Variants in EARS2 observed in about 807,000 individuals in gnomAD.
EARS2 encodes the protein nondiscriminating glutamyl-tRNA synthetase EARS2, mitochondrial.
A neutral mutation model predicts 54.1 loss-of-function variants in EARS2; 50 were observed. The observed-to-expected ratio is 0.92, with a 90% confidence interval of 0.74 to 1.17. The LOEUF (loss-of-function observed/expected upper bound fraction) is 1.17, where lower values mean the gene tolerates loss of function less well. Among genes scored for constraint, EARS2 ranks in the 50% most tolerant of loss-of-function variants. EARS2 has a pLI of 0.00. For synonymous variants in EARS2, 298 were observed against 281.0 expected, an observed-to-expected ratio of 1.06 and a Z score of -0.61; for missense variants, 673 against 675.0, an observed-to-expected ratio of 1.00 and a Z score of 0.03.
rs764747361 is a variant in EARS2, at chr16:23,535,133, T to C, written c.713A>G (p.His238Arg). 1.2e-6 allele frequency: 2 copies of C among 1,612,890 alleles called. No individual in the cohort carries two copies. Among genetic ancestry groups the C allele is most frequent in the South Asian group, 1.1e-5 (1 of 90,914 alleles). Residue 238 changes from histidine to arginine, a missense_variant, in exon 4 of 9, where the codon CAC (histidine) becomes CGC (arginine). This residue lies in a region of EARS2 where 338 missense variants were observed against 361.2 expected (regional missense o/e 0.94). Coordinates refer to ENST00000449606, the MANE Select transcript of EARS2 (RefSeq NM_001083614.2). The stretch of plus-strand genomic sequence containing the variant: ...TCGCAGCACGTGGCTGATGCCCATG[T>C]GGTGGTCGTCCACCACGCAGGCCAG... ...YHLACVVDDH[H>R]MGISHVLRGS...
At chr16:23,553,851 G>A (rs888072549) in intron 1 of EARS2, among the ~76,000 whole-genome samples, 6 of 148,904 alleles carry the variant, frequency 4.0e-5, no homozygotes, top group East Asian at 2.0e-4. Flanking sequence ...AGCCGAGATC[G>A]CACCATTGCA....
chr16:23,556,857 A>G, intron 1 of EARS2: 1 of 547,030 alleles, frequency 1.8e-6, no homozygotes, highest in Non-Finnish European at 3.5e-6. Flanking sequence ...GGCAGCCACT[A>G]GAATGCAGAC....
In EARS2 at chr16:23,552,199, C is replaced by G; in HGVS notation, c.245G>C (p.Arg82Pro). 1.2e-6 allele frequency: 2 copies of G among 1,614,190 alleles called. No homozygotes were observed. Among genetic ancestry groups the G allele is most frequent in the Non-Finnish European group, 1.7e-6 (2 of 1,180,016 alleles). The change falls in exon 2 of 9, where the codon CGC (arginine) becomes CCC (proline). Residue 82 changes from arginine to proline, a missense_variant. By Grantham distance (103) the Arg-to-Pro change is moderately radical. Around this residue, in one of 3 missense-constraint regions of EARS2, gnomAD observed 316 missense variants for 275.2 expected, o/e 1.15. Coordinates refer to ENST00000449606, the MANE Select transcript of EARS2 (RefSeq NM_001083614.2). ...ILRLEDTDQT[R>P]VVPGAAENIE... is the part of the protein sequence containing the mutation. ...ATTCTCCGCTGCCCCAGGCACAACGCGAGTCTGATCTGTGTCCTCTAGCCT... is the reference window on the plus strand; with the variant it reads ...ATTCTCCGCTGCCCCAGGCACAACGGGAGTCTGATCTGTGTCCTCTAGCCT...
chr16:23,524,231 T>G lies in EARS2; in HGVS notation c.*140A>C, dbSNP rs1018598540. On this transcript the variant is annotated 3_prime_UTR_variant, in exon 9 of 9. Coordinates refer to ENST00000449606, the MANE Select transcript of EARS2 (RefSeq NM_001083614.2). ...CTGTGGTGGATCACAAATGCACTTG[T>G]GTGCAGTCAGAGATTGTTTCCACTC... 4.0e-6 allele frequency: 3 copies of G among 749,534 alleles called. No individual in the cohort carries two copies. In the South Asian group the frequency reaches 4.9e-5, roughly 12 times the overall value. The allele number at this position is 749,534 out of a possible 1,614,324, so 46.4% of individuals were successfully genotyped here. A position where few individuals can be genotyped will look rare whatever the true frequency, so the allele number is the denominator to read the frequency against.
At position 23,557,170 on chromosome 16, in the gene EARS2, G is replaced by C. The variant is rs775217559; in HGVS notation, c.139+35C>G. On this transcript the variant is annotated intron_variant, in intron 1 of 8. Coordinates refer to ENST00000449606, the MANE Select transcript of EARS2 (RefSeq NM_001083614.2). ...TCGTGGGGCGGAGACGGGACAGGGG[G>C]CCTCGGCCTGTAGCGTCACGTCCGC... The C allele has an allele frequency of 7.3e-6, 11 of 1,503,862 alleles. No individual in the cohort carries two copies. In the East Asian group the frequency reaches 1.1e-4, roughly 16 times the overall value. 93.2% of individuals were successfully genotyped at this position (1,503,862 alleles called of 1,614,324 possible).
At position 23,523,593 on chromosome 16, in the gene EARS2, C is replaced by G. The variant is rs1378000284; in HGVS notation, c.*778G>C. 1 of 152,272 alleles carries G rather than the reference C, an allele frequency of 6.6e-6. No homozygotes were observed. Among genetic ancestry groups the G allele is most frequent in the East Asian group, 1.9e-4 (1 of 5,196 alleles). 9.4% of individuals were successfully genotyped at this position (152,272 alleles called of 1,614,324 possible). On this transcript the variant is annotated 3_prime_UTR_variant, in exon 9 of 9. Coordinates refer to ENST00000449606, the MANE Select transcript of EARS2 (RefSeq NM_001083614.2). ...GTTCAGCCCTGCTTGTGTCACGTATCCTTTGCTGCTCTGAGTCCTTGGGGC... is the reference window on the plus strand; with the variant it reads ...GTTCAGCCCTGCTTGTGTCACGTATGCTTTGCTGCTCTGAGTCCTTGGGGC...
At chr16:23,543,201 T>C (rs1217677179) in intron 3 of EARS2, among the ~76,000 whole-genome samples, 1 of 150,862 alleles carries the variant, frequency 6.6e-6, no homozygotes, top group Non-Finnish European at 1.5e-5. Flanking sequence ...GGAGGATTGC[T>C]TGAGGCCAGG....
Position 23,523,432 on chromosome 16 carries a change from CAG to C in EARS2, c.*937_*938del, listed in dbSNP as rs1326857306. ...GGTCTGGAAGACTGGAAAAACGGAA[CAG>C]ATGACGTTTAGGGAAGGGAGACACA... On this transcript the variant is annotated 3_prime_UTR_variant, in exon 9 of 9. Transcript: ENST00000449606. The C allele has an allele frequency of 6.6e-6, 1 of 152,216 alleles. No homozygotes were observed. Among genetic ancestry groups the C allele is most frequent in the African/African-American group, 2.4e-5 (1 of 41,456 alleles). The allele number at this position is 152,216 out of a possible 1,614,324, so 9.4% of individuals were successfully genotyped here. A position where few individuals can be genotyped will look rare whatever the true frequency, so the allele number is the denominator to read the frequency against.
Position 23,536,885 on chromosome 16 carries a change from G to A in EARS2, c.486-1525C>T, listed in dbSNP as rs571240836. Reference sequence around the variant, plus strand: ...TTTAGTAGAAATGGGGTTTCACCACGTTGGTCAGGCTGGTCTCGAACTCCT... The same window carrying A: ...TTTAGTAGAAATGGGGTTTCACCACATTGGTCAGGCTGGTCTCGAACTCCT... On this transcript the variant is annotated intron_variant, in intron 3 of 8. Coordinates refer to ENST00000449606, the MANE Select transcript of EARS2 (RefSeq NM_001083614.2). 9.9e-5 allele frequency among the ~76,000 whole-genome samples: 15 copies of A among 151,874 alleles called. No homozygotes were observed. The South Asian group carries it at 1.5e-3, about 15-fold the overall frequency.
chr16:23,553,448 T>C (rs555435780), intron 1 of EARS2, among the ~76,000 whole-genome samples: 1 of 152,232 alleles, frequency 6.6e-6, no homozygotes, highest in Non-Finnish European at 1.5e-5. Flanking sequence ...AAACTAGAAA[T>C]TTAAAATACT....
chr16:23,556,423 T>A (rs1361583676), intron 1 of EARS2, among the ~76,000 whole-genome samples: 2 of 152,074 alleles, frequency 1.3e-5, no homozygotes, highest in Non-Finnish European at 2.9e-5. Context: ...GGCGCGATCT[T>A]GGCTCACCGC....
Position 23,524,100 on chromosome 16 carries a change from A to G in EARS2, c.*271T>C. ...GTTAACTTTTCTGTGAACTAACTCC[A>G]AACCTCTGCTGTGTAATGTGTGAGA... On this transcript the variant is annotated 3_prime_UTR_variant, in exon 9 of 9. Coordinates refer to ENST00000449606, the MANE Select transcript of EARS2 (RefSeq NM_001083614.2). The G allele has an allele frequency of 2.0e-6, 1 of 504,122 alleles. No homozygotes were observed. Among genetic ancestry groups the G allele is most frequent in the Non-Finnish European group, 3.6e-6 (1 of 280,398 alleles). 31.2% of individuals were successfully genotyped at this position (504,122 alleles called of 1,614,324 possible). A position where few individuals can be genotyped will look rare whatever the true frequency, so the allele number is the denominator to read the frequency against.
chr16:23,528,879 C>T (rs1667151077), intron 7 of EARS2, among the ~76,000 whole-genome samples: 1 of 152,214 alleles, frequency 6.6e-6, no homozygotes, highest in Non-Finnish European at 1.5e-5. Context: ...AAAGGACATG[C>T]GCTGTCATTT....
chr16:23,529,554 G>A lies in EARS2; in HGVS notation c.1300C>T (p.Gln434Ter). 6.2e-7 allele frequency: 1 copy of A among 1,614,210 alleles called. No homozygotes were observed. The stretch of plus-strand genomic sequence containing the variant: ...ACCTTCTCCGAGATGGCGTCCAGCT[G>A]TGCTCGACCTACTGCAGGGCGAGTC... ...LWTRPAVGRA[Q>*]LDAISEKVDV... The change falls in exon 7 of 9, where the codon CAG (glutamine) becomes TAG (stop). Residue 434 changes from glutamine to a stop codon, truncating the protein, a stop_gained. Transcript: ENST00000449606. LOFTEE classifies it high-confidence loss of function.
At chr16:23,554,959 T>G (rs1017614020) in intron 1 of EARS2, among the ~76,000 whole-genome samples, 2 of 152,230 alleles carry the variant, frequency 1.3e-5, no homozygotes, top group African/African-American at 4.8e-5. Context: ...CTGTGCCTGA[T>G]AATTCTTTTA....
intron 2 of EARS2, among the ~76,000 whole-genome samples, chr16:23,548,297 A>T (rs1328997837): frequency 1.3e-5 from 2 of 152,114 alleles, no homozygotes; most frequent in African/African-American, 2.4e-5. Context: ...TAAAAAAGAA[A>T]GAATGACTCC....
rs1305423222 is a variant in EARS2 at position 23,524,202 on chromosome 16, G to T, written c.*169C>A. 3.0e-6 allele frequency: 2 copies of T among 667,568 alleles called. No individual in the cohort carries two copies. Among genetic ancestry groups the T allele is most frequent in the African/African-American group, 3.6e-5 (2 of 55,486 alleles). 41.4% of individuals were successfully genotyped at this position (667,568 alleles called of 1,614,324 possible). On this transcript the variant is annotated 3_prime_UTR_variant, in exon 9 of 9. Transcript: ENST00000449606. ...GCTTCCCCAGCCAATTGACAAAAAC[G>T]TGCCTGTGGTGGATCACAAATGCAC...
chr16:23,542,377 G>A (rs1965530288), intron 3 of EARS2, among the ~76,000 whole-genome samples: 1 of 140,444 alleles, frequency 7.1e-6, no homozygotes, highest in African/African-American at 2.7e-5. Flanking sequence ...GAGTGCAGTG[G>A]TGCAGTCTTG....
chr16:23,524,502 A>C (rs1396021759), intron 8 of EARS2, 48 bp from the exon 9 acceptor site: 1 of 1,524,458 alleles, frequency 6.6e-7, no homozygotes, highest in Non-Finnish European at 9.1e-7. Flanking sequence ...AAACAGCCTA[A>C]AGAACTGAAG....
Sources: allele counts gnomAD v4.1 joint callset (sites outside exome capture counted in the v4.1 genomes callset), GRCh38; gene constraint gnomAD v4.1.1; regional missense constraint gnomAD v4.1.1; transcripts MANE v1.5; gene names NCBI Gene and HGNC (gene_info 2026-07-23, HGNC 2026-07-21).